The following DYSF variants were observed in gnomAD, a reference collection of about 807,000 sequenced individuals.
DYSF encodes the protein dysferlin.
DYSF carries 212 observed loss-of-function variants against 274.9 expected under a neutral mutation model. That is an observed-to-expected ratio of 0.77 (90% CI 0.69 to 0.86). The LOEUF (loss-of-function observed/expected upper bound fraction) is 0.86, where lower values mean the gene tolerates loss of function less well. Among genes scored for constraint, DYSF ranks in the 40% least tolerant of loss-of-function variants. The pLI, the probability that DYSF is intolerant of heterozygous loss-of-function variation, is 0.00. For synonymous variants in DYSF, 1,091 were observed against 1,078.7 expected (o/e 1.01, Z -0.22); for missense variants, 2,666 against 2,783.2 (o/e 0.96, Z 0.95).
intron 42 of DYSF, among the ~76,000 whole-genome samples, chr2:71,655,316 A>C (rs1030666566): frequency 6.6e-6 from 1 of 152,182 alleles, no homozygotes; most frequent in Non-Finnish European, 1.5e-5. Context: ...TGTCACTTGC[A>C]TAATTAAATA....
chr2:71,571,108 GCA>G (rs1284787457), intron 29 of DYSF, among the ~76,000 whole-genome samples: 2 of 121,300 alleles, frequency 1.6e-5, no homozygotes, highest in East Asian at 2.5e-4. Flanking sequence ...ATCACACCCA[GCA>G]CACAGATCAC....
chr2:71,542,084 A>G (rs2089974370), intron 17 of DYSF, among the ~76,000 whole-genome samples: 1 of 152,168 alleles, frequency 6.6e-6, no homozygotes, highest in Admixed American at 6.5e-5. Flanking sequence ...TTGGGTTCAA[A>G]TGCTCTTGGC....
At chr2:71,535,363 G>A in intron 16 of DYSF, 52 bp downstream of exon 16, 2 of 1,532,188 alleles carry the variant, frequency 1.3e-6, no homozygotes, top group Non-Finnish European at 1.8e-6. Context: ...AGGGGGCGCT[G>A]GGTCCCTCAG....
At chr2:71,630,289 T>C (rs1274225777) in intron 41 of DYSF, among the ~76,000 whole-genome samples, 2 of 152,234 alleles carry the variant, frequency 1.3e-5, no homozygotes, top group African/African-American at 2.4e-5. Context: ...GAGGCAGCTA[T>C]GTGGGGCTAT....
chr2:71,671,452 CGCCCCCCG>C (rs2095119853), intron 51 of DYSF, among the ~76,000 whole-genome samples: 1 of 152,210 alleles, frequency 6.6e-6, no homozygotes, highest in South Asian at 2.1e-4. Flanking sequence ...GGGAGGGCTG[CGCCCCCCG>C]TGGCACCCCC....
chr2:71,631,507 A>T (rs1467428345), intron 41 of DYSF, among the ~76,000 whole-genome samples: 1 of 152,178 alleles, frequency 6.6e-6, no homozygotes, highest in Non-Finnish European at 1.5e-5. Context: ...GGGAGGTTTG[A>T]TGCCCGTCAC....
Position 71,513,284 on chromosome 2 carries a change from A to G in DYSF, c.505A>G (p.Ser169Gly). The G allele has an allele frequency of 6.4e-7, 1 of 1,551,600 alleles. No homozygotes were observed. Among genetic ancestry groups the G allele is most frequent in the South Asian group, 1.2e-5 (1 of 84,056 alleles). ...RAETWSLLSD[S>G]TMDTRYSGKK... ...CGAGACTTGGTCCCTGCTCAGTGAC[A>G]GCACCATGGACACGAGATACTCTGG... The change falls in exon 6 of 56, where the codon AGC (serine) becomes GGC (glycine). Residue 169 changes from serine (S) to glycine (G), a missense_variant. Physicochemically the swap from Ser to Gly is moderately conservative, Grantham distance 56 (BLOSUM62 0). Transcript: ENST00000410020.
At chr2:71,461,814 C>T (rs1204507180), upstream of DYSF, among the ~76,000 whole-genome samples, 1 of 152,194 alleles carries the variant, frequency 6.6e-6, no homozygotes, top group East Asian at 1.9e-4. Context: ...AGGCTGCAAG[C>T]AACTGAAATC....
At chr2:71,661,091 T>G (rs1387725628) in intron 45 of DYSF, among the ~76,000 whole-genome samples, 13 of 126,974 alleles carry the variant, frequency 1.0e-4, no homozygotes, top group Non-Finnish European at 1.7e-4. Context: ...CACTCCAGCC[T>G]GGGTGACAGA....
intron 40 of DYSF, among the ~76,000 whole-genome samples, chr2:71,618,832 T>C (rs990293896): frequency 1.3e-5 from 2 of 151,758 alleles, no homozygotes; most frequent in Non-Finnish European, 2.9e-5. Flanking sequence ...GGCCTGCTAG[T>C]GTGCAGGAGG....
At position 71,539,198 on chromosome 2, in the gene DYSF, T is replaced by C; in HGVS notation, c.1535T>C (p.Leu512Pro). 1 of 1,613,878 alleles carries C rather than the reference T, an allele frequency of 6.2e-7. No individual in the cohort carries two copies. The highest frequency in any genetic ancestry group is 8.5e-7 in the Non-Finnish European group (1 of 1,179,814). The change falls in exon 17 of 56, where the codon CTG becomes CCG. Residue 512 changes from leucine (L) to proline (P), a missense_variant. Physicochemically the swap from Leu to Pro is moderately conservative, Grantham distance 98. Coordinates refer to ENST00000410020, the MANE Select transcript of DYSF (RefSeq NM_001130987.2). Reference protein sequence around the residue: ...THNDIVATTYLSMSKISAPGG... With the variant: ...THNDIVATTYPSMSKISAPGG... Reference sequence around the variant, plus strand: ...AATGACATCGTGGCTACCACCTACCTGAGTATGTCGAAAATCTCTGCCCCT... The same window carrying C: ...AATGACATCGTGGCTACCACCTACCCGAGTATGTCGAAAATCTCTGCCCCT...
At chr2:71,568,876 CTCTT>C (rs1276679417) in intron 26 of DYSF, among the ~76,000 whole-genome samples, 1 of 146,282 alleles carries the variant, frequency 6.8e-6, no homozygotes, top group African/African-American at 2.6e-5. Flanking sequence ...TTTATTCTCT[CTCTT>C]TTTTTTTTTT....
At chr2:71,502,827 A>G (rs539542777) in intron 3 of DYSF, among the ~76,000 whole-genome samples, 2 of 152,112 alleles carry the variant, frequency 1.3e-5, no homozygotes, top group South Asian at 4.2e-4. Context: ...GGGTCATATG[A>G]TCTGCTGGGG....
At chr2:71,571,889 C>T (rs2092494269) in intron 29 of DYSF, among the ~76,000 whole-genome samples, 2 of 139,928 alleles carry the variant, frequency 1.4e-5, no homozygotes, top group East Asian at 2.3e-4. Flanking sequence ...ACACACAGCT[C>T]ACACCCAGCA....
At chr2:71,609,465 C>G (rs180701125) in intron 36 of DYSF, among the ~76,000 whole-genome samples, 7 of 149,882 alleles carry the variant, frequency 4.7e-5, no homozygotes, top group African/African-American at 1.8e-4. Flanking sequence ...ACACCAATGG[C>G]AAAAACAATG....
chr2:71,567,613 C>A (rs2092180917), intron 24 of DYSF, among the ~76,000 whole-genome samples: 1 of 152,156 alleles, frequency 6.6e-6, no homozygotes, highest in African/African-American at 2.4e-5. Flanking sequence ...AGCACTGTTC[C>A]AGAAGAAAAT....
At chr2:71,516,016 C>A (rs752678902) in intron 8 of DYSF, among the ~76,000 whole-genome samples, 164 bp from the exon 9 acceptor site, 5 of 152,188 alleles carry the variant, frequency 3.3e-5, no homozygotes, top group South Asian at 2.1e-4. Context: ...AGGCCAGGGG[C>A]AGATCACCCC....
intron 3 of DYSF, among the ~76,000 whole-genome samples, chr2:71,482,789 G>T (rs553757502): frequency 2.2e-4 from 33 of 152,292 alleles, no homozygotes; most frequent in Middle Eastern, 3.4e-3. Context: ...TGCTGGGCAT[G>T]AGAGGAGGCA....
intron 17 of DYSF, among the ~76,000 whole-genome samples, chr2:71,548,482 G>T (rs1364130197): frequency 6.6e-6 from 1 of 152,220 alleles, no homozygotes; most frequent in African/African-American, 2.4e-5. Context: ...TGGAGAAGGA[G>T]AATGGGAAGA....
Sources: allele counts gnomAD v4.1 joint callset (sites outside exome capture counted in the v4.1 genomes callset), GRCh38; gene constraint gnomAD v4.1.1; transcripts MANE v1.5; gene names NCBI Gene and HGNC (gene_info 2026-07-23, HGNC 2026-07-21).